POU2F1: variants seen among roughly 807,000 people sequenced by gnomAD.
POU2F1 encodes the protein POU class 2 homeobox 1.
In POU2F1, 16 loss-of-function variants were observed where a neutral mutation model predicts 84.9. The ratio of observed to expected loss-of-function variants is 0.19; its 90% CI spans 0.13 to 0.29. The LOEUF (loss-of-function observed/expected upper bound fraction) is 0.29. POU2F1 is among the 10% of genes least tolerant of loss of function. The pLI, the probability that POU2F1 is intolerant of heterozygous loss-of-function variation, is 1.00. For missense variants in POU2F1, 738 were observed against 942.6 expected, an observed-to-expected ratio of 0.78 and a Z score of 2.84; for synonymous variants, 368 against 368.3, an observed-to-expected ratio of 1.00 and a Z score of 0.01.
At chr1:167,266,703 A>G (rs1651987187) in intron 1 of POU2F1, among the ~76,000 whole-genome samples, 1 of 149,320 alleles carries the variant, frequency 6.7e-6, no homozygotes, top group African/African-American at 2.5e-5. Flanking sequence ...GGCTCACTGC[A>G]ATCTCCACCT....
chr1:167,421,583 G>A lies in POU2F1; in HGVS notation c.*5773G>A, dbSNP rs971382911. The A allele has an allele frequency of 6.6e-6, 1 of 152,154 alleles. No homozygotes were observed. Among genetic ancestry groups the A allele is most frequent in the South Asian group, 2.1e-4 (1 of 4,830 alleles). 9.4% of individuals were successfully genotyped at this position (152,154 alleles called of 1,614,324 possible). ...CTTCTACTCTTGGCCTTAGCTAAAA[G>A]CAGTAAATGTGAGTGAATTTTATGT... On this transcript the variant is annotated 3_prime_UTR_variant, in exon 16 of 16. Coordinates refer to ENST00000367866, the MANE Select transcript of POU2F1 (RefSeq NM_002697.4).
intron 1 of POU2F1, among the ~76,000 whole-genome samples, chr1:167,272,125 A>G (rs906947700): frequency 2.0e-5 from 3 of 152,190 alleles, no homozygotes; most frequent in Non-Finnish European, 4.4e-5. Context: ...TGTCCACAGA[A>G]ATAAAAGAAT....
At chr1:167,281,450 T>G (rs2102500389) in intron 1 of POU2F1, among the ~76,000 whole-genome samples, 1 of 152,360 alleles carries the variant, frequency 6.6e-6, no homozygotes, top group Non-Finnish European at 1.5e-5. Context: ...AACTGACGGT[T>G]TGCCAATCGG....
intron 1 of POU2F1, among the ~76,000 whole-genome samples, chr1:167,224,627 GT>G (rs1648485261): frequency 6.6e-6 from 1 of 151,966 alleles, no homozygotes; most frequent in Non-Finnish European, 1.5e-5. Flanking sequence ...TTAATTATTA[GT>G]TTATTTTAAG....
Position 167,420,072 on chromosome 1 carries a change from C to T in POU2F1, c.*4262C>T, listed in dbSNP as rs1479499551. On this transcript the variant is annotated 3_prime_UTR_variant, in exon 16 of 16. Coordinates refer to ENST00000367866, the MANE Select transcript of POU2F1 (RefSeq NM_002697.4). Reference sequence around the variant, plus strand: ...CAGAAGCACAGATATTTGCTTGACACAATATTTAAATTCAGCCCAATCTTT... The same window carrying T: ...CAGAAGCACAGATATTTGCTTGACATAATATTTAAATTCAGCCCAATCTTT... The T allele has an allele frequency of 6.6e-6, 1 of 151,760 alleles. No homozygotes were observed. Among genetic ancestry groups the T allele is most frequent in the Non-Finnish European group, 1.5e-5 (1 of 67,974 alleles). The allele number at this position is 151,760 out of a possible 1,614,324, so 9.4% of individuals were successfully genotyped here.
chr1:167,335,327 T>G (rs1557903108), intron 2 of POU2F1, among the ~76,000 whole-genome samples: 2 of 152,164 alleles, frequency 1.3e-5, no homozygotes, highest in Non-Finnish European at 2.9e-5. Flanking sequence ...TACAGAAAAG[T>G]GCCATAGTGG....
intron 7 of POU2F1, chr1:167,379,058 G>A (rs894058717): frequency 1.3e-5 from 2 of 152,098 alleles, no homozygotes; most frequent in Non-Finnish European, 2.9e-5. Flanking sequence ...AAAGCAGCTG[G>A]GAGTACAGTG....
intron 1 of POU2F1, among the ~76,000 whole-genome samples, chr1:167,232,185 A>C (rs1376069781): frequency 6.6e-6 from 1 of 152,176 alleles, no homozygotes; most frequent in Non-Finnish European, 1.5e-5. Context: ...AACCTGATTT[A>C]AGTGGACCCA....
chr1:167,398,527 T>C (rs1648969671), intron 11 of POU2F1, among the ~76,000 whole-genome samples: 1 of 152,012 alleles, frequency 6.6e-6, no homozygotes. Context: ...CTCTAGTAGA[T>C]TGGTTGGTTA....
intron 1 of POU2F1, among the ~76,000 whole-genome samples, chr1:167,300,500 CTG>C (rs759355512): frequency 1.3e-5 from 2 of 152,158 alleles, no homozygotes; most frequent in South Asian, 2.1e-4. Flanking sequence ...GAGTCTTGCT[CTG>C]TCGCCAGGCC....
At chr1:167,414,322 G>T (rs1462126176) in intron 15 of POU2F1, 1 of 985,130 alleles carries the variant, frequency 1.0e-6, no homozygotes, top group Non-Finnish European at 1.2e-6. Flanking sequence ...AAGGCAAAAT[G>T]TCTTCCCTAG....
chr1:167,371,847 A>G, intron 4 of POU2F1, 70 bp from the exon 5 acceptor site: 1 of 1,580,636 alleles, frequency 6.3e-7, no homozygotes, highest in Non-Finnish European at 8.7e-7. Context: ...TTCCTAAAAG[A>G]TGGGGTTTTA....
chr1:167,291,581 G>A (rs1653927123), intron 1 of POU2F1, among the ~76,000 whole-genome samples: 1 of 152,078 alleles, frequency 6.6e-6, no homozygotes, highest in South Asian at 2.1e-4. Flanking sequence ...CAGAGAGTAT[G>A]GTAAAATGTC....
intron 2 of POU2F1, among the ~76,000 whole-genome samples, chr1:167,358,176 A>AG (rs1204171869): frequency 8.7e-6 from 1 of 114,364 alleles, no homozygotes. Context: ...TTGCCCAGGC[A>AG]GGAGTGCAGT....
intron 13 of POU2F1, among the ~76,000 whole-genome samples, chr1:167,403,897 T>C (rs957832493): frequency 1.3e-5 from 2 of 152,224 alleles, no homozygotes; most frequent in African/African-American, 4.8e-5. Flanking sequence ...GTATTTATTT[T>C]GCCTTCACAG....
chr1:167,372,524 C>T (rs1660075415), intron 5 of POU2F1, among the ~76,000 whole-genome samples: 1 of 152,226 alleles, frequency 6.6e-6, no homozygotes, highest in Admixed American at 6.5e-5. Context: ...GGCCTAATTA[C>T]TTCATTTCCC....
intron 2 of POU2F1, among the ~76,000 whole-genome samples, chr1:167,337,692 CAAA>C (rs1231706759): frequency 2.0e-5 from 2 of 98,108 alleles, no homozygotes; most frequent in Non-Finnish European, 2.2e-5. Flanking sequence ...CCACCCCCTG[CAAA>C]AAAAAAAAAA....
chr1:167,249,341 C>A (rs182550110), intron 1 of POU2F1, among the ~76,000 whole-genome samples: 3 of 152,232 alleles, frequency 2.0e-5, no homozygotes, highest in Admixed American at 2.0e-4. Flanking sequence ...ACTTTCATTC[C>A]CTCCTCATCC....
At chr1:167,413,711 A>G (rs918182433) in intron 15 of POU2F1, among the ~76,000 whole-genome samples, 4 of 152,278 alleles carry the variant, frequency 2.6e-5, no homozygotes, top group Admixed American at 1.3e-4. Context: ...GCCTTTTAGC[A>G]TGTTACCCAG....
Sources: allele counts gnomAD v4.1 joint callset (sites outside exome capture counted in the v4.1 genomes callset), GRCh38; gene constraint gnomAD v4.1.1; transcripts MANE v1.5; gene names NCBI Gene and HGNC (gene_info 2026-07-23, HGNC 2026-07-21).